The following CBFA2T3 variants were observed in gnomAD, a reference collection of about 807,000 sequenced individuals.
CBFA2T3 encodes CBFA2/RUNX1 partner transcriptional co-repressor 3.
In CBFA2T3, 31 loss-of-function variants were observed where a neutral mutation model predicts 58.6. That is an observed-to-expected ratio of 0.53 (90% confidence interval 0.40 to 0.71). The LOEUF is 0.71. Among genes scored for constraint, CBFA2T3 ranks in the 30% least tolerant of loss-of-function variants. The pLI is 0.00. For missense variants in CBFA2T3, 1,076 were observed against 963.1 expected, an observed-to-expected ratio of 1.12 and a Z score of -1.55; for synonymous variants, 531 against 421.9, an observed-to-expected ratio of 1.26 and a Z score of -3.17.
At position 88,976,831 on chromosome 16, in the gene CBFA2T3, A is replaced by G. The variant is rs533903510; in HGVS notation, c.-24T>C. On this transcript the variant is annotated 5_prime_UTR_variant, in exon 1 of 12. Coordinates refer to ENST00000268679, the MANE Select transcript of CBFA2T3 (RefSeq NM_005187.6). ...ATGAGGAGGGCCACCCTCAGGGGCC[A>G]ACCTGGAGCCCAGGACAGGCCTCTA... The G allele has an allele frequency of 5.8e-6, 9 of 1,541,138 alleles. No homozygotes were observed. The Admixed American group carries it at 1.6e-4, about 27-fold the overall frequency.
At chr16:88,895,728 A>G (rs2142607810) in intron 3 of CBFA2T3, among the ~76,000 whole-genome samples, 1 of 152,252 alleles carries the variant, frequency 6.6e-6, no homozygotes, top group Non-Finnish European at 1.5e-5. Context: ...GGAGGCCAGG[A>G]GGGCGGGGGA....
intron 5 of CBFA2T3, among the ~76,000 whole-genome samples, chr16:88,890,877 C>G (rs531963141): frequency 6.6e-6 from 1 of 152,270 alleles, no homozygotes; most frequent in East Asian, 1.9e-4. Context: ...CAACGCTCAG[C>G]TAATTTTTAT....
In CBFA2T3 at chr16:88,891,982, G is replaced by A. The variant is rs1398904443; in HGVS notation, c.622-11C>T. 1.2e-6 allele frequency: 2 copies of A among 1,607,940 alleles called. No homozygotes were observed. Among genetic ancestry groups the A allele is most frequent in the South Asian group, 1.1e-5 (1 of 90,842 alleles). On this transcript the variant is annotated splice_polypyrimidine_tract_variant and intron_variant, in intron 4 of 11. Transcript: ENST00000268679. ...CGTCAATGTCGAGTTCTGCAGGGGA[G>A]AAAACCCACCTCACATCAGCACCGC...
chr16:88,920,198 T>G (rs1349765713), intron 1 of CBFA2T3, among the ~76,000 whole-genome samples: 1 of 152,232 alleles, frequency 6.6e-6, no homozygotes, highest in Non-Finnish European at 1.5e-5. Context: ...TCTAGGCCCA[T>G]GCACTGACAG....
At chr16:88,899,939 G>A (rs188366938) in intron 2 of CBFA2T3, among the ~76,000 whole-genome samples, 55 of 152,314 alleles carry the variant, frequency 3.6e-4, no homozygotes, top group African/African-American at 8.7e-4. Flanking sequence ...GAGACGGCCC[G>A]TGGTTTGTAC....
chr16:88,889,471 TGA>T (rs1209696846), intron 5 of CBFA2T3, among the ~76,000 whole-genome samples: 1 of 151,734 alleles, frequency 6.6e-6, no homozygotes, highest in Non-Finnish European at 1.5e-5. Context: ...GGGGAGGGAC[TGA>T]GGGGAATGAG....
At chr16:88,959,989 A>G (rs910838492) in intron 1 of CBFA2T3, among the ~76,000 whole-genome samples, 9 of 152,168 alleles carry the variant, frequency 5.9e-5, no homozygotes, top group Admixed American at 2.6e-4. Context: ...AGATTGCACC[A>G]CTGCACTCCA....
Position 88,880,759 on chromosome 16 carries a change from G to C in CBFA2T3, c.1432C>G (p.Leu478Val). 1.9e-6 allele frequency: 3 copies of C among 1,584,072 alleles called. No individual in the cohort carries two copies. The highest frequency in any genetic ancestry group is 2.6e-6 in the Non-Finnish European group (3 of 1,164,756). ...ATGTCCTCAGGCACGTAGCCGGTGA[G>C]GGTCCTCGGCAGGAACTCGCGAGGC... is the stretch of plus-strand genomic sequence containing the variant. ...DVPREFLPRT[L>V]TGYVPEDIWR... The change falls in exon 10 of 12, where the codon CTC becomes GTC. Residue 478 changes from leucine to valine, a missense_variant. Leu to Val is a conservative substitution (Grantham distance 32, BLOSUM62 1). Coordinates refer to ENST00000268679, the MANE Select transcript of CBFA2T3 (RefSeq NM_005187.6).
At position 88,880,717 on chromosome 16, in the gene CBFA2T3, C is replaced by T. The variant is rs762554844; in HGVS notation, c.1471+3G>A. 3 of 1,563,306 alleles carry T rather than the reference C, an allele frequency of 1.9e-6. No individual in the cohort carries two copies. The East Asian group carries it at 7.2e-5, about 37-fold the overall frequency. ...CTGGCCAGGCCCCTGCACCCCCACTCACCAGCCTTCCTCCAGATGTCCTCA... is the reference window on the plus strand; with the variant it reads ...CTGGCCAGGCCCCTGCACCCCCACTTACCAGCCTTCCTCCAGATGTCCTCA... On this transcript the variant is annotated splice_donor_region_variant and intron_variant, in intron 10 of 11. Coordinates refer to ENST00000268679, the MANE Select transcript of CBFA2T3 (RefSeq NM_005187.6).
intron 1 of CBFA2T3, among the ~76,000 whole-genome samples, chr16:88,917,775 CAT>C (rs1191484850): frequency 6.6e-6 from 1 of 152,200 alleles, no homozygotes; most frequent in Non-Finnish European, 1.5e-5. Context: ...ATAAGTGTGA[CAT>C]GTGATGTGCG....
chr16:88,903,909 T>C lies in CBFA2T3; in HGVS notation c.152-2253A>G, dbSNP rs544425470. Among the ~76,000 whole-genome samples the C allele has an allele frequency of 3.7e-3, 568 of 152,258 alleles. 1 individual carries two copies. Among genetic ancestry groups the C allele is most frequent in the African/African-American group, 0.013 (543 of 41,558 alleles). ...GCGGCTACATTTGAGCCACGAGACT[T>C]GAATAAAACAGAAGTGGATGCAGAG... On this transcript the variant is annotated intron_variant, in intron 1 of 11. Transcript: ENST00000268679.
intron 1 of CBFA2T3, among the ~76,000 whole-genome samples, chr16:88,935,223 G>A (rs899017018): frequency 2.0e-5 from 3 of 152,174 alleles, no homozygotes; most frequent in South Asian, 2.1e-4. Context: ...TGTCTCTGGC[G>A]CAGGAGAGGC....
At chr16:88,928,237 T>C (rs1971150403) in intron 1 of CBFA2T3, among the ~76,000 whole-genome samples, 1 of 152,180 alleles carries the variant, frequency 6.6e-6, no homozygotes, top group South Asian at 2.1e-4. Context: ...CCGGGGCAGC[T>C]TCTTGCCCGG....
At chr16:88,888,332 G>A (rs1364047799) in intron 5 of CBFA2T3, among the ~76,000 whole-genome samples, 7 of 147,798 alleles carry the variant, frequency 4.7e-5, no homozygotes, top group East Asian at 2.1e-4. Flanking sequence ...CCCCAGCCCA[G>A]GCCACAGTCA....
intron 1 of CBFA2T3, among the ~76,000 whole-genome samples, chr16:88,925,889 G>A (rs1442719573): frequency 6.6e-6 from 1 of 152,234 alleles, no homozygotes; most frequent in Non-Finnish European, 1.5e-5. Context: ...CTCTACGCCA[G>A]ACGCCATGTG....
At chr16:88,941,435 G>A (rs1971727546) in intron 1 of CBFA2T3, among the ~76,000 whole-genome samples, 1 of 147,098 alleles carries the variant, frequency 6.8e-6, no homozygotes, top group Non-Finnish European at 1.5e-5. Flanking sequence ...CTCCCGCCCG[G>A]CGCCCATGGC....
intron 1 of CBFA2T3, among the ~76,000 whole-genome samples, chr16:88,954,068 C>G (rs1043366720): frequency 6.6e-6 from 1 of 152,168 alleles, no homozygotes; most frequent in Admixed American, 6.5e-5. Flanking sequence ...CCCTCTACAG[C>G]TGCCAGTCAG....
intron 1 of CBFA2T3, among the ~76,000 whole-genome samples, chr16:88,959,638 C>T (rs1972312117): frequency 6.6e-6 from 1 of 152,180 alleles, no homozygotes; most frequent in Non-Finnish European, 1.5e-5. Flanking sequence ...CCCGGGGAAA[C>T]CCTCCTTTTC....
Position 88,879,628 on chromosome 16 carries a change from C to A in CBFA2T3, c.1472-168G>T, listed in dbSNP as rs893905418. 9.7e-6 allele frequency: 6 copies of A among 618,116 alleles called. No individual in the cohort carries two copies. The Middle Eastern group carries it at 8.4e-4, about 86-fold the overall frequency. 38.3% of individuals were successfully genotyped at this position (618,116 alleles called of 1,614,324 possible). A position where few individuals can be genotyped will look rare whatever the true frequency, so the allele number is the denominator to read the frequency against. The stretch of plus-strand genomic sequence containing the variant: ...TGATGGGGCTGTAGGCAGCTGAACA[C>A]ACGTAGCATCTGTGCACACACAGAC... On this transcript the variant is annotated intron_variant, in intron 10 of 11. Transcript: ENST00000268679.
Sources: gnomAD v4.1 joint callset for allele counts (sites outside exome capture counted in the v4.1 genomes callset) on GRCh38, gnomAD v4.1.1 for gene constraint, MANE v1.5 for transcripts, NCBI Gene and HGNC (gene_info 2026-07-23, HGNC 2026-07-21) for gene names.